Variants in EFCAB6 observed in about 807,000 individuals in gnomAD.
EFCAB6 encodes the protein EF-hand calcium binding domain 6.
EFCAB6 carries 156 observed loss-of-function variants against 169.8 expected under a neutral mutation model. The observed-to-expected ratio is 0.92, with a 90% CI of 0.81 to 1.05. EFCAB6 has a LOEUF of 1.05. EFCAB6 is among the 50% of genes least tolerant of loss of function. EFCAB6 has a pLI of 0.00. For missense variants in EFCAB6, 1,800 were observed against 1,829.1 expected (o/e 0.98, Z 0.29); for synonymous variants, 698 against 676.4 (o/e 1.03, Z -0.50).
chr22:43,791,456 G>T (rs2062284825), intron 2 of EFCAB6, among the ~76,000 whole-genome samples: 1 of 151,994 alleles, frequency 6.6e-6, no homozygotes, highest in East Asian at 1.9e-4. Context: ...GAAAGTAGGT[G>T]CAAAAAAAGA....
At chr22:43,659,128 G>A (rs555008545) in intron 17 of EFCAB6, among the ~76,000 whole-genome samples, 1 of 152,360 alleles carries the variant, frequency 6.6e-6, no homozygotes, top group Admixed American at 6.5e-5. Flanking sequence ...AACTCCGTGA[G>A]GATTTCTTAT....
chr22:43,619,109 G>A (rs1233392743), intron 20 of EFCAB6, among the ~76,000 whole-genome samples: 2 of 152,158 alleles, frequency 1.3e-5, no homozygotes, highest in African/African-American at 4.8e-5. Flanking sequence ...GAAGTTCCAG[G>A]TTCATCTCTG....
At chr22:43,603,255 A>C (rs1374358921) in intron 22 of EFCAB6, among the ~76,000 whole-genome samples, 1 of 152,258 alleles carries the variant, frequency 6.6e-6, no homozygotes, top group East Asian at 1.9e-4. Flanking sequence ...GCACAACTGC[A>C]ACTAAAATAT....
intron 18 of EFCAB6, 58 bp from the exon 19 acceptor site, chr22:43,632,296 T>A: frequency 2.6e-5 from 15 of 578,028 alleles, no homozygotes; most frequent in Admixed American, 1.2e-4. Flanking sequence ...CATTCCTTCT[T>A]TTTTTTTTTT....
At chr22:43,666,178 C>T (rs1343892581) in intron 17 of EFCAB6, among the ~76,000 whole-genome samples, 1 of 152,166 alleles carries the variant, frequency 6.6e-6, no homozygotes, top group East Asian at 1.9e-4. Flanking sequence ...CTGGCTCTCC[C>T]CATATGCTCA....
intron 24 of EFCAB6, among the ~76,000 whole-genome samples, chr22:43,582,735 C>T (rs1358678039): frequency 6.6e-6 from 1 of 152,008 alleles, no homozygotes; most frequent in African/African-American, 2.4e-5. Context: ...TTATCAGATA[C>T]AGATGCCAGG....
chr22:43,543,666 G>A (rs967482895), intron 27 of EFCAB6, among the ~76,000 whole-genome samples: 20 of 152,172 alleles, frequency 1.3e-4, no homozygotes, highest in Non-Finnish European at 2.9e-4. Flanking sequence ...CCAGAGACAG[G>A]AGGCAGAGAG....
At chr22:43,707,467 C>T (rs2058999150) in intron 10 of EFCAB6, among the ~76,000 whole-genome samples, 1 of 151,672 alleles carries the variant, frequency 6.6e-6, no homozygotes, top group African/African-American at 2.4e-5. Flanking sequence ...ACATCTGTAC[C>T]AAGATACATG....
intron 6 of EFCAB6, among the ~76,000 whole-genome samples, chr22:43,743,919 A>C (rs371718128): frequency 8.0e-6 from 1 of 125,662 alleles, no homozygotes; most frequent in Non-Finnish European, 1.8e-5. Context: ...TGGGTGGATG[A>C]ATGGATGGAT....
chr22:43,551,801 T>C (rs993835828), intron 27 of EFCAB6: 6 of 152,006 alleles, frequency 3.9e-5, no homozygotes, highest in African/African-American at 1.4e-4. Context: ...GGATAATGGC[T>C]TCTAACTCCA....
At chr22:43,729,897 G>A (rs185504269) in intron 8 of EFCAB6, among the ~76,000 whole-genome samples, 331 of 152,196 alleles carry the variant, frequency 2.2e-3, no homozygotes, top group Non-Finnish European at 3.7e-3. Context: ...GGCGGCATAC[G>A]CCTGTAATCC....
rs763041605 is a variant in EFCAB6 at position 43,576,442 on chromosome 22, G to A, written c.3275C>T (p.Thr1092Ile). The A allele has an allele frequency of 1.3e-5, 21 of 1,594,152 alleles. No homozygotes were observed. Among genetic ancestry groups the A allele is most frequent in the East Asian group, 2.3e-5 (1 of 43,778 alleles). ...DKEDTGFVKA[T>I]EFGQVLKDFC... ...ATCCTTAAGAACTTGTCCGAATTCT[G>A]TAGCCTTTACAAATCCTGTATCCTC... Residue 1092 changes from threonine (T) to isoleucine (I), a missense_variant, in exon 26 of 32, where the codon ACA (threonine) becomes ATA (isoleucine). Transcript: ENST00000262726.
chr22:43,679,789 T>C (rs1223265156), intron 12 of EFCAB6, among the ~76,000 whole-genome samples: 2 of 152,174 alleles, frequency 1.3e-5, no homozygotes, highest in African/African-American at 4.8e-5. Context: ...CAGATCTTCT[T>C]GGGTAAAATG....
chr22:43,666,967 C>T, intron 17 of EFCAB6, 137 bp downstream of exon 17: 1 of 1,126,330 alleles, frequency 8.9e-7, no homozygotes, highest in Non-Finnish European at 1.2e-6. Context: ...AAAAAAAAAT[C>T]CTTTTAAATT....
At chr22:43,649,674 T>C (rs1381425374) in intron 17 of EFCAB6, among the ~76,000 whole-genome samples, 2 of 152,166 alleles carry the variant, frequency 1.3e-5, no homozygotes, top group Admixed American at 1.3e-4. Flanking sequence ...CTTGTTGGAA[T>C]ATCTTGCAGA....
At chr22:43,669,884 C>A (rs1172452371) in intron 15 of EFCAB6, among the ~76,000 whole-genome samples, 3 of 152,178 alleles carry the variant, frequency 2.0e-5, no homozygotes, top group Non-Finnish European at 4.4e-5. Flanking sequence ...TGTGATTTAC[C>A]TTCTTCACTC....
intron 6 of EFCAB6, among the ~76,000 whole-genome samples, chr22:43,739,340 C>T (rs773270135): frequency 6.6e-6 from 1 of 152,210 alleles, no homozygotes; most frequent in Non-Finnish European, 1.5e-5. Context: ...TGCTCTCTCT[C>T]CTTCTTCTCC....
intron 2 of EFCAB6, among the ~76,000 whole-genome samples, chr22:43,794,674 T>G (rs2148134165): frequency 6.6e-6 from 1 of 152,182 alleles, no homozygotes; most frequent in East Asian, 1.9e-4. Context: ...ATGTAGAAAA[T>G]TAAAAGCAAG....
Position 43,528,817 on chromosome 22 carries a change from G to C in EFCAB6, c.*36C>G. 1 of 1,566,612 alleles carries C rather than the reference G, an allele frequency of 6.4e-7. No homozygotes were observed. Among genetic ancestry groups the C allele is most frequent in the Non-Finnish European group, 8.7e-7 (1 of 1,143,976 alleles). ...TTTTATTAGCCTTGAAACAGGCCCT[G>C]TGGCTGTCGTCCCGCTGGGCACACA... On this transcript the variant is annotated 3_prime_UTR_variant, in exon 32 of 32. Coordinates refer to ENST00000262726, the MANE Select transcript of EFCAB6 (RefSeq NM_022785.4).
Sources: allele counts gnomAD v4.1 joint callset (sites outside exome capture counted in the v4.1 genomes callset), GRCh38; gene constraint gnomAD v4.1.1; transcripts MANE v1.5; gene names NCBI Gene and HGNC (gene_info 2026-07-23, HGNC 2026-07-21).